The following CPPED1 variants were observed in gnomAD, a reference collection of about 807,000 sequenced individuals.
CPPED1 encodes the protein calcineurin like phosphoesterase domain containing 1.
Under a neutral mutation model 28.0 loss-of-function variants are expected in CPPED1, and 28 were observed. The ratio of observed to expected loss-of-function variants is 1.00; its 90% CI spans 0.74 to 1.37. The LOEUF (loss-of-function observed/expected upper bound fraction) is 1.37, where lower values mean the gene tolerates loss of function less well. CPPED1 is among the 40% of genes most tolerant of loss of function. CPPED1 has a pLI of 0.00. For synonymous variants in CPPED1, 198 were observed against 180.2 expected (o/e 1.10, Z -0.79); for missense variants, 504 against 416.5 (o/e 1.21, Z -1.83).
chr16:12,702,764 G>A (rs956467419), intron 3 of CPPED1, among the ~76,000 whole-genome samples: 1 of 151,680 alleles, frequency 6.6e-6, no homozygotes, highest in African/African-American at 2.4e-5. Flanking sequence ...TTGGGAGGCC[G>A]AGGTGGGTGG....
rs376222494 is a variant in CPPED1 at position 12,713,988 on chromosome 16, T to C, written c.290-8939A>G. On this transcript the variant is annotated intron_variant, in intron 2 of 3. Transcript: ENST00000381774. ...TAAGCAATCACTAATCTACCTTCTA[T>C]AGATTTCTCCACTCCAGGCATTTCA... Among the ~76,000 whole-genome samples the C allele has an allele frequency of 2.6e-5, 4 of 152,294 alleles. No homozygotes were observed. The East Asian group carries it at 5.8e-4, about 22-fold the overall frequency.
At chr16:12,737,031 A>T (rs867222359) in intron 2 of CPPED1, among the ~76,000 whole-genome samples, 7 of 152,162 alleles carry the variant, frequency 4.6e-5, no homozygotes, top group Middle Eastern at 3.4e-3. Context: ...CTCTACTAAA[A>T]ATACAAAAAT....
chr16:12,681,663 G>C (rs992165596), intron 3 of CPPED1, among the ~76,000 whole-genome samples: 10 of 152,108 alleles, frequency 6.6e-5, no homozygotes, highest in Non-Finnish European at 1.5e-4. Flanking sequence ...GTGCATTCTC[G>C]GCTTCATTAG....
intron 3 of CPPED1, among the ~76,000 whole-genome samples, chr16:12,702,159 G>A (rs1012258141): frequency 3.9e-5 from 6 of 152,122 alleles, no homozygotes; most frequent in African/African-American, 7.2e-5. Context: ...TGTGCTTGAG[G>A]GGTTGCAGAT....
intron 2 of CPPED1, among the ~76,000 whole-genome samples, chr16:12,769,829 T>G (rs1045995139): frequency 6.6e-6 from 1 of 152,210 alleles, no homozygotes; most frequent in African/African-American, 2.4e-5. Context: ...CTTGCACGCA[T>G]AGAACTCCCT....
intron 3 of CPPED1, among the ~76,000 whole-genome samples, chr16:12,694,181 C>T (rs912380049): frequency 1.3e-5 from 2 of 152,018 alleles, no homozygotes; most frequent in African/African-American, 2.4e-5. Flanking sequence ...ACTCCAGCCT[C>T]GGTGACAGAG....
At chr16:12,723,807 G>A (rs2080155004) in intron 2 of CPPED1, among the ~76,000 whole-genome samples, 1 of 152,106 alleles carries the variant, frequency 6.6e-6, no homozygotes, top group Non-Finnish European at 1.5e-5. Context: ...GCTGCCATGG[G>A]ATAGGACGTG....
intron 2 of CPPED1, among the ~76,000 whole-genome samples, chr16:12,747,836 A>C (rs77027954): frequency 0.04 from 6,128 of 152,302 alleles, 423 homozygotes; most frequent in African/African-American, 0.14. Flanking sequence ...AGTTCATTGC[A>C]TGTTAAATAT....
chr16:12,784,147 T>G (rs996200099), intron 1 of CPPED1, among the ~76,000 whole-genome samples: 1 of 152,232 alleles, frequency 6.6e-6, no homozygotes, highest in Non-Finnish European at 1.5e-5. Context: ...CTCAGAGCCC[T>G]TGCTCTGGAG....
chr16:12,676,353 A>G (rs891692230), intron 3 of CPPED1, among the ~76,000 whole-genome samples: 1 of 152,150 alleles, frequency 6.6e-6, no homozygotes, highest in African/African-American at 2.4e-5. Flanking sequence ...TCAGAGAAAG[A>G]GCTACTCATA....
At chr16:12,740,870 T>C (rs2080251781) in intron 2 of CPPED1, among the ~76,000 whole-genome samples, 1 of 152,210 alleles carries the variant, frequency 6.6e-6, no homozygotes. Flanking sequence ...TGCTGCACCA[T>C]GTCCCCTACT....
intron 1 of CPPED1, among the ~76,000 whole-genome samples, chr16:12,792,864 C>T (rs1228832680): frequency 1.3e-5 from 2 of 152,154 alleles, no homozygotes; most frequent in African/African-American, 4.8e-5. Flanking sequence ...GTCCATTAAA[C>T]CTCTTTCCTT....
chr16:12,777,132 C>T (rs557622965), intron 2 of CPPED1, among the ~76,000 whole-genome samples: 94 of 152,296 alleles, frequency 6.2e-4, no homozygotes, highest in Non-Finnish European at 1.2e-3. Context: ...TCAACTGAAA[C>T]TAAGTCACAG....
At chr16:12,744,591 G>C (rs1481525828) in intron 2 of CPPED1, among the ~76,000 whole-genome samples, 1 of 152,170 alleles carries the variant, frequency 6.6e-6, no homozygotes, top group Non-Finnish European at 1.5e-5. Flanking sequence ...AGGATTTCTA[G>C]GCCATGCTAC....
chr16:12,722,761 C>G (rs968826637), intron 2 of CPPED1, among the ~76,000 whole-genome samples: 2 of 152,150 alleles, frequency 1.3e-5, no homozygotes, highest in Non-Finnish European at 2.9e-5. Context: ...GCATAGTTTC[C>G]TCAGCCTGCC....
chr16:12,788,318 T>C (rs1039850584), intron 1 of CPPED1, among the ~76,000 whole-genome samples: 1 of 152,140 alleles, frequency 6.6e-6, no homozygotes, highest in Non-Finnish European at 1.5e-5. Flanking sequence ...GAGTCAGCCA[T>C]GGATGGTAAT....
intron 3 of CPPED1, among the ~76,000 whole-genome samples, chr16:12,693,442 C>T (rs2079973947): frequency 6.6e-6 from 1 of 152,112 alleles, no homozygotes; most frequent in Non-Finnish European, 1.5e-5. Flanking sequence ...GCGACCCGCC[C>T]ACCTCGGCTT....
intron 1 of CPPED1, among the ~76,000 whole-genome samples, chr16:12,798,887 G>A (rs2141248123): frequency 6.6e-6 from 1 of 152,298 alleles, no homozygotes; most frequent in South Asian, 2.1e-4. Flanking sequence ...CCTTAGGAAT[G>A]TGAGCTTTCT....
At chr16:12,780,189 T>C (rs1471542600) in intron 2 of CPPED1, among the ~76,000 whole-genome samples, 1 of 151,978 alleles carries the variant, frequency 6.6e-6, no homozygotes, top group African/African-American at 2.4e-5. Context: ...GTTTGTGTTT[T>C]GTTTTTTTGA....
Sources: gnomAD v4.1 joint callset for allele counts (sites outside exome capture counted in the v4.1 genomes callset) on GRCh38, gnomAD v4.1.1 for gene constraint, MANE v1.5 for transcripts, NCBI Gene and HGNC (gene_info 2026-07-23, HGNC 2026-07-21) for gene names.